The following CCDC93 variants were observed in gnomAD, a reference collection of about 807,000 sequenced individuals.
CCDC93 encodes CCC complex scaffolding subunit CCDC93, also known as coiled-coil domain-containing protein 93.
CCDC93 carries 61 observed loss-of-function variants against 108.2 expected under a neutral mutation model. The ratio of observed to expected loss-of-function variants is 0.56; its 90% CI spans 0.46 to 0.70. The LOEUF is 0.70. Ranked by LOEUF, CCDC93 falls within the 30% of genes least tolerant of loss-of-function variation. The probability of loss-of-function intolerance (pLI) is 0.00; values close to 1 mark genes in which losing one functional copy is unlikely to be tolerated. For missense variants in CCDC93, 685 were observed against 764.2 expected (o/e 0.90, Z 1.22); for synonymous variants, 276 against 260.4 (o/e 1.06, Z -0.58).
intron 7 of CCDC93, among the ~76,000 whole-genome samples, chr2:117,979,698 T>C (rs1482779473): frequency 6.6e-6 from 1 of 152,186 alleles, no homozygotes; most frequent in African/African-American, 2.4e-5. Context: ...CCTTTAGAAA[T>C]AAACCTATAG....
chr2:117,959,791 T>C (rs1679331202), intron 11 of CCDC93, among the ~76,000 whole-genome samples: 1 of 152,250 alleles, frequency 6.6e-6, no homozygotes, highest in Admixed American at 6.5e-5. Context: ...CCTGGGACTG[T>C]GTAAAATGTC....
At chr2:118,010,245 G>A (rs991493455) in intron 1 of CCDC93, among the ~76,000 whole-genome samples, 5 of 152,080 alleles carry the variant, frequency 3.3e-5, no homozygotes, top group African/African-American at 1.2e-4. Context: ...ATGAGCCATC[G>A]CGCCTGGCCG....
At chr2:117,935,716 C>T (rs186312028) in intron 21 of CCDC93, 137 bp from the exon 22 acceptor site, 39 of 504,088 alleles carry the variant, frequency 7.7e-5, no homozygotes, top group East Asian at 6.7e-4. Context: ...AGTGGAGCCA[C>T]GGGGGCCCCT....
intron 21 of CCDC93, among the ~76,000 whole-genome samples, chr2:117,936,024 G>GTT (rs796616696): frequency 3.5e-5 from 5 of 143,428 alleles, no homozygotes; most frequent in African/African-American, 7.6e-5. Context: ...GTGGTTTTTT[G>GTT]TTTTTTTTTT....
At chr2:118,005,670 T>A (rs1676845543) in intron 3 of CCDC93, among the ~76,000 whole-genome samples, 1 of 149,816 alleles carries the variant, frequency 6.7e-6, no homozygotes, top group Admixed American at 6.7e-5. Flanking sequence ...GGTAAGAGGA[T>A]CACTTAAGGA....
chr2:117,981,553 T>C (rs961161550), intron 7 of CCDC93, among the ~76,000 whole-genome samples: 1 of 152,194 alleles, frequency 6.6e-6, no homozygotes, highest in Non-Finnish European at 1.5e-5. Flanking sequence ...TCCAGTTCAC[T>C]TCTTCATACC....
At chr2:117,942,494 C>A (rs568317409) in intron 18 of CCDC93, among the ~76,000 whole-genome samples, 1 of 152,210 alleles carries the variant, frequency 6.6e-6, no homozygotes, top group African/African-American at 2.4e-5. Context: ...AAAGTCACTG[C>A]ACACCTTCTC....
chr2:117,945,809 T>C (rs965263145), intron 16 of CCDC93, among the ~76,000 whole-genome samples: 2 of 152,218 alleles, frequency 1.3e-5, no homozygotes, highest in Non-Finnish European at 2.9e-5. Flanking sequence ...ACTAACACAG[T>C]AAACCGTATA....
intron 2 of CCDC93, among the ~76,000 whole-genome samples, chr2:118,008,125 T>C (rs1676927942): frequency 6.6e-6 from 1 of 152,240 alleles, no homozygotes; most frequent in Admixed American, 6.5e-5. Context: ...AAAGATTTCA[T>C]TGCATAGCGA....
At position 117,951,343 on chromosome 2, in the gene CCDC93, G is replaced by GA. The variant is rs1273900750; in HGVS notation, c.1068+1029dup. The GA allele has an allele frequency of 7.1e-6, 7 of 985,244 alleles. No homozygotes were observed. The African/African-American group carries it at 1.2e-4, about 17-fold the overall frequency. The allele number at this position is 985,244 out of a possible 1,614,324, so 61.0% of individuals were successfully genotyped here. A position where few individuals can be genotyped will look rare whatever the true frequency, so the allele number is the denominator to read the frequency against. ...AGGCAGGCGTCTTTATGAACAATGA[G>GA]AAAAAAATTATTCTAATTGACATTC... On this transcript the variant is annotated intron_variant, in intron 13 of 23. Coordinates refer to ENST00000376300, the MANE Select transcript of CCDC93 (RefSeq NM_019044.5).
Position 117,923,615 on chromosome 2 carries a change from G to A in CCDC93, c.1843-3219C>T, listed in dbSNP as rs572702246. ...GCTTGAGTAGGTAAACAAAGCAGCCGAGAAGCTCAAACTGGGTGGAGCTCA... is the reference window on the plus strand; with the variant it reads ...GCTTGAGTAGGTAAACAAAGCAGCCAAGAAGCTCAAACTGGGTGGAGCTCA... On this transcript the variant is annotated intron_variant, in intron 23 of 23. Coordinates refer to ENST00000376300, the MANE Select transcript of CCDC93 (RefSeq NM_019044.5). 2.1e-3 allele frequency among the ~76,000 whole-genome samples: 324 copies of A among 152,282 alleles called. 1 individual carries two copies. The highest frequency in any genetic ancestry group is 3.1e-3 in the Non-Finnish European group (208 of 68,032).
In CCDC93 at chr2:118,000,931, C is replaced by G. The variant is rs1680829039; in HGVS notation, c.253G>C (p.Ala85Pro). ...ACCGAGACAATTTTTTCTGACAGAGCTCTGTTCAGAAAAAGTAACAAGCAA... is the reference window on the plus strand; with the variant it reads ...ACCGAGACAATTTTTTCTGACAGAGGTCTGTTCAGAAAAAGTAACAAGCAA... Reference protein sequence around the residue: ...QENSTIGQKIALSEKIVSVLP... With the variant: ...QENSTIGQKIPLSEKIVSVLP... Residue 85 changes from alanine (A) to proline (P), a missense_variant and splice_region_variant, in exon 4 of 24, where the codon GCT becomes CCT. Transcript: ENST00000376300. The G allele has an allele frequency of 6.2e-7, 1 of 1,602,392 alleles. No individual in the cohort carries two copies. Among genetic ancestry groups the G allele is most frequent in the South Asian group, 1.1e-5 (1 of 90,838 alleles).
chr2:117,922,426 A>C (rs149459574), intron 23 of CCDC93, among the ~76,000 whole-genome samples: 139 of 152,282 alleles, frequency 9.1e-4, no homozygotes, highest in Middle Eastern at 3.4e-3. Context: ...TAGGTGCCAG[A>C]CAGAGAGCTA....
intron 23 of CCDC93, among the ~76,000 whole-genome samples, chr2:117,927,761 T>C (rs1678172758): frequency 6.6e-6 from 1 of 152,114 alleles, no homozygotes; most frequent in African/African-American, 2.4e-5. Context: ...AAAAACTACT[T>C]TAAAGTTCAT....
At chr2:117,926,791 C>T (rs891178637) in intron 23 of CCDC93, among the ~76,000 whole-genome samples, 3 of 152,138 alleles carry the variant, frequency 2.0e-5, no homozygotes, top group Admixed American at 2.0e-4. Flanking sequence ...CATCCTGATA[C>T]CAAAGCCTGG....
intron 14 of CCDC93, among the ~76,000 whole-genome samples, chr2:117,949,109 T>C (rs17047565): frequency 0.018 from 2,740 of 152,288 alleles, 72 homozygotes; most frequent in African/African-American, 0.06. Context: ...ACAAGGGGTA[T>C]TGGGAAAAAG....
Position 117,920,026 on chromosome 2 carries a change from A to C in CCDC93, c.*317T>G. ...AACAAATGAATTCTTCTTTATTCAG[A>C]GTCCATACAAATACAGGTACCTTCA... On this transcript the variant is annotated 3_prime_UTR_variant, in exon 24 of 24. Transcript: ENST00000376300. 1 of 221,024 alleles carries C rather than the reference A, an allele frequency of 4.5e-6. No homozygotes were observed. Among genetic ancestry groups the C allele is most frequent in the African/African-American group, 2.2e-5 (1 of 44,544 alleles). The allele number at this position is 221,024 out of a possible 1,614,324, so 13.7% of individuals were successfully genotyped here. A position where few individuals can be genotyped will look rare whatever the true frequency, so the allele number is the denominator to read the frequency against.
intron 6 of CCDC93, among the ~76,000 whole-genome samples, chr2:117,987,640 C>G (rs1680359371): frequency 6.6e-6 from 1 of 152,198 alleles, no homozygotes; most frequent in African/African-American, 2.4e-5. Context: ...GTTGTACTAA[C>G]AGATCTTGAA....
At chr2:117,970,089 G>C (rs1301226140) in intron 11 of CCDC93, among the ~76,000 whole-genome samples, 1 of 152,128 alleles carries the variant, frequency 6.6e-6, no homozygotes, top group Non-Finnish European at 1.5e-5. Context: ...TTTGACTGGA[G>C]AGCACTGACA....
Sources: gnomAD v4.1 joint callset for allele counts (sites outside exome capture counted in the v4.1 genomes callset) on GRCh38, gnomAD v4.1.1 for gene constraint, MANE v1.5 for transcripts, NCBI Gene and HGNC (gene_info 2026-07-23, HGNC 2026-07-21) for gene names.